Variants in AR observed in about 807,000 individuals in gnomAD.
AR encodes dihydrotestosterone receptor.
Under a neutral mutation model 53.9 loss-of-function variants are expected in AR, and 8 were observed. The observed-to-expected ratio is 0.15, with a 90% CI of 0.09 to 0.27. The LOEUF (loss-of-function observed/expected upper bound fraction) is 0.27. Among genes scored for constraint, AR ranks in the 10% least tolerant of loss-of-function variants. The pLI is 1.00. For synonymous variants in AR, 359 were observed against 316.4 expected, an observed-to-expected ratio of 1.13 and a Z score of -1.43; for missense variants, 639 against 742.5, an observed-to-expected ratio of 0.86 and a Z score of 1.62.
Position 67,724,085 on chromosome X carries a change from G to A in AR, c.*244G>A, listed in dbSNP as rs1384548960. ...GCACCTTCAGACTTTGCTTCCCATT[G>A]TGGCTCCTATCTGTGTTTTGAATGG... is the stretch of plus-strand genomic sequence containing the variant. On this transcript the variant is annotated 3_prime_UTR_variant, in exon 8 of 8. Coordinates refer to ENST00000374690, the MANE Select transcript of AR (RefSeq NM_000044.6). 2.4e-6 allele frequency: 1 copy of A among 410,009 alleles called. No homozygotes were observed. Among genetic ancestry groups the A allele is most frequent in the African/African-American group, 2.5e-5 (1 of 39,357 alleles). The allele number at this position is 410,009 out of a possible 1,213,427, so 33.8% of individuals were successfully genotyped here.
intron 2 of AR, among the ~76,000 whole-genome samples, chrX:67,678,611 G>T (rs2075914655): frequency 9.0e-6 from 1 of 111,679 alleles, no homozygotes; most frequent in African/African-American, 3.3e-5. Context: ...GAGGTTTCTT[G>T]TACAGATTAT....
intron 1 of AR, chrX:67,569,146 G>C: frequency 7.7e-6 from 5 of 646,758 alleles, no homozygotes; most frequent in South Asian, 5.5e-5. Flanking sequence ...AGACTAGCTT[G>C]CTTGAATATC....
chrX:67,647,861 C>T (rs1215184283), intron 2 of AR, among the ~76,000 whole-genome samples: 2 of 111,974 alleles, frequency 1.8e-5, no homozygotes, highest in African/African-American at 6.5e-5. Context: ...AGCTGTGTTC[C>T]AATAAAACTT....
rs186719817 is a variant in AR at position 67,635,111 on chromosome X, T to G, written c.1617-8145T>G. 3.5e-4 allele frequency among the ~76,000 whole-genome samples: 38 copies of G among 110,049 alleles called. No individual in the cohort carries two copies. In the East Asian group the frequency reaches 0.01, roughly 30 times the overall value. On this transcript the variant is annotated intron_variant, in intron 1 of 7. Transcript: ENST00000374690. ...CTGCATAGCCAAGAAAAGTGCTCTTTTTTATTTTTAGGATATTAGATATTT... is the reference window on the plus strand; with the variant it reads ...CTGCATAGCCAAGAAAAGTGCTCTTGTTTATTTTTAGGATATTAGATATTT...
At chrX:67,653,727 A>G (rs772144691) in intron 2 of AR, among the ~76,000 whole-genome samples, 24 of 110,952 alleles carry the variant, frequency 2.2e-4, no homozygotes, top group African/African-American at 7.9e-4. Context: ...GAAGAAGGTT[A>G]CTATCCAGGT....
intron 1 of AR, among the ~76,000 whole-genome samples, chrX:67,569,261 G>A (rs1318397479): frequency 9.1e-6 from 1 of 110,192 alleles, no homozygotes. Context: ...AATGCAAAAA[G>A]CACTTAATTC....
chrX:67,709,588 C>T (rs980036401), intron 3 of AR, among the ~76,000 whole-genome samples: 9 of 112,138 alleles, frequency 8.0e-5, no homozygotes, highest in Admixed American at 2.8e-4. Context: ...TTGCACTTCC[C>T]GGGTGAGGCG....
At chrX:67,631,877 G>A (rs960378064) in intron 1 of AR, among the ~76,000 whole-genome samples, 2 of 111,229 alleles carry the variant, frequency 1.8e-5, no homozygotes, top group African/African-American at 6.6e-5. Flanking sequence ...CTCAGCTGCA[G>A]GTCTGTTGGA....
chrX:67,671,059 A>G (rs1298671534), intron 2 of AR, among the ~76,000 whole-genome samples: 1 of 112,006 alleles, frequency 8.9e-6, no homozygotes, highest in East Asian at 2.8e-4. Flanking sequence ...GCTGCAATAA[A>G]CATACGTGTG....
chrX:67,607,501 G>A (rs1004107070), intron 1 of AR, among the ~76,000 whole-genome samples: 8 of 111,602 alleles, frequency 7.2e-5, no homozygotes, highest in African/African-American at 2.6e-4. Flanking sequence ...ACTTCTTTGA[G>A]TTATGAGTAA....
rs1376618032 is a variant in AR at position 67,558,995 on chromosome X, CTTATG to C, written c.1616+12238_1616+12242del. Reference sequence around the variant, plus strand: ...GAATCTAGGTAGTTCAGCTCCACAACTTATGTTATTTTCCACTATATTTATGGAAT... The same window carrying C: ...GAATCTAGGTAGTTCAGCTCCACAACTTATTTTCCACTATATTTATGGAAT... On this transcript the variant is annotated intron_variant, in intron 1 of 7. Coordinates refer to ENST00000374690, the MANE Select transcript of AR (RefSeq NM_000044.6). Among the ~76,000 whole-genome samples the C allele has an allele frequency of 3.6e-5, 4 of 112,029 alleles. No homozygotes were observed. In the East Asian group the frequency reaches 1.1e-3, roughly 32 times the overall value.
chrX:67,635,764 G>A (rs141619624), intron 1 of AR, among the ~76,000 whole-genome samples: 35 of 111,177 alleles, frequency 3.1e-4, no homozygotes, highest in African/African-American at 1.1e-3. Context: ...GAAACCTTCC[G>A]TTCTATGGGG....
At position 67,711,708 on chromosome X, in the gene AR, G is replaced by A. The variant is rs2147525424; in HGVS notation, c.2173+19G>A. ...TTGCCTGGTAAGGAAAAGGGAAGTG[G>A]GAGCATGAGATAAGGGGGATCATAT... On this transcript the variant is annotated intron_variant, in intron 4 of 7. Coordinates refer to ENST00000374690, the MANE Select transcript of AR (RefSeq NM_000044.6). The A allele has an allele frequency of 8.4e-7, 1 of 1,194,226 alleles. No homozygotes were observed. Among genetic ancestry groups the A allele is most frequent in the Non-Finnish European group, 1.1e-6 (1 of 886,301 alleles).
At chrX:67,683,348 T>C (rs1226958887) in intron 2 of AR, among the ~76,000 whole-genome samples, 2 of 111,518 alleles carry the variant, frequency 1.8e-5, no homozygotes, top group African/African-American at 3.3e-5. Flanking sequence ...CAAGAGACTA[T>C]TATTTTGGAT....
rs148584998 is a variant in AR at position 67,620,397 on chromosome X, A to T, written c.1617-22859A>T. Among the ~76,000 whole-genome samples the T allele has an allele frequency of 7.1e-3, 777 of 109,412 alleles. 15 individuals are homozygous for T. The highest frequency in any genetic ancestry group is 0.051 in the Admixed American group (516 of 10,116). On this transcript the variant is annotated intron_variant, in intron 1 of 7. Coordinates refer to ENST00000374690, the MANE Select transcript of AR (RefSeq NM_000044.6). Reference sequence around the variant, plus strand: ...CAGAGCTCACTGGACTGAAAGTCAGATGCTTTACCCGCCTAGACTCTAGTA... The same window carrying T: ...CAGAGCTCACTGGACTGAAAGTCAGTTGCTTTACCCGCCTAGACTCTAGTA...
chrX:67,545,473 C>A lies in AR; in HGVS notation c.327C>A (p.Val109=), dbSNP rs2147315742. Residue 109 remains valine (V), a synonymous_variant, in exon 1 of 8, where the codon GTC becomes GTA. Transcript: ENST00000374690. ...AHRRGPTGYL[V]LDEEQQPSQP... is the part of the protein sequence containing the mutation. Reference sequence around the variant, plus strand: ...GTAGAGGCCCCACAGGCTACCTGGTCCTGGATGAGGAACAGCAACCTTCAC... The same window carrying A: ...GTAGAGGCCCCACAGGCTACCTGGTACTGGATGAGGAACAGCAACCTTCAC... 1.7e-6 allele frequency: 2 copies of A among 1,200,687 alleles called. No individual in the cohort carries two copies. The highest frequency in any genetic ancestry group is 2.2e-6 in the Non-Finnish European group (2 of 890,209).
intron 1 of AR, among the ~76,000 whole-genome samples, chrX:67,548,300 G>A (rs959876711): frequency 4.5e-5 from 5 of 111,519 alleles, no homozygotes; most frequent in African/African-American, 1.6e-4. Flanking sequence ...CATTCCATTA[G>A]GTTTTTAATG....
intron 1 of AR, among the ~76,000 whole-genome samples, chrX:67,607,280 G>A (rs889824697): frequency 9.0e-6 from 1 of 111,031 alleles, no homozygotes; most frequent in Non-Finnish European, 1.9e-5. Context: ...CTCCCACCTC[G>A]GCCTCCCAAA....
At position 67,726,737 on chromosome X, in the gene AR, A is replaced by AT. The variant is rs886932863; in HGVS notation, c.*2906dup. ...TTCTCCCATGGATGAAAGGAGGAGG[A>AT]TTTTTTTTTTCTTTTGGCCATTGAT... On this transcript the variant is annotated 3_prime_UTR_variant, in exon 8 of 8. Coordinates refer to ENST00000374690, the MANE Select transcript of AR (RefSeq NM_000044.6). The AT allele has an allele frequency of 7.5e-4, 124 of 164,967 alleles. No individual in the cohort carries two copies. The highest frequency in any genetic ancestry group is 1.1e-3 in the East Asian group (13 of 11,459). 13.6% of individuals were successfully genotyped at this position (164,967 alleles called of 1,213,427 possible). A position where few individuals can be genotyped will look rare whatever the true frequency, so the allele number is the denominator to read the frequency against.
Sources: allele counts gnomAD v4.1 joint callset (sites outside exome capture counted in the v4.1 genomes callset), GRCh38; gene constraint gnomAD v4.1.1; transcripts MANE v1.5; gene names NCBI Gene and HGNC (gene_info 2026-07-23, HGNC 2026-07-21).